Variants in CNTN5 observed in about 807,000 individuals in gnomAD.
CNTN5 encodes the protein contactin-5.
Under a neutral mutation model 129.1 loss-of-function variants are expected in CNTN5, and 77 were observed. The ratio of observed to expected loss-of-function variants is 0.60; its 90% CI spans 0.50 to 0.72. The LOEUF is 0.72. CNTN5 is among the 30% of genes least tolerant of loss of function. The pLI is 0.00. For synonymous variants in CNTN5, 509 were observed against 465.6 expected, an observed-to-expected ratio of 1.09 and a Z score of -1.20; for missense variants, 1,478 against 1,328.8, an observed-to-expected ratio of 1.11 and a Z score of -1.75.
At chr11:99,161,247 CTGTT>C (rs879669186) in intron 1 of CNTN5, among the ~76,000 whole-genome samples, 8 of 152,088 alleles carry the variant, frequency 5.3e-5, no homozygotes, top group Admixed American at 1.3e-4. Context: ...TACTTAAAAA[CTGTT>C]TGTATACAGT....
intron 13 of CNTN5, among the ~76,000 whole-genome samples, chr11:100,179,905 A>C (rs1482291856): frequency 6.6e-6 from 1 of 152,062 alleles, no homozygotes; most frequent in Admixed American, 6.6e-5. Context: ...TAAATATTTA[A>C]TGTGTAGCTT....
At chr11:99,478,381 G>C (rs1278014259) in intron 2 of CNTN5, among the ~76,000 whole-genome samples, 2 of 152,114 alleles carry the variant, frequency 1.3e-5, no homozygotes, top group African/African-American at 4.8e-5. Context: ...CTCTACCTTG[G>C]TAACAGCAAA....
chr11:99,559,082 A>G (rs541090902), intron 3 of CNTN5, among the ~76,000 whole-genome samples: 1 of 152,058 alleles, frequency 6.6e-6, no homozygotes, highest in Non-Finnish European at 1.5e-5. Flanking sequence ...CTTACACTCT[A>G]TATTGCCCTC....
intron 2 of CNTN5, among the ~76,000 whole-genome samples, chr11:99,487,770 G>T (rs747001413): frequency 5.6e-4 from 85 of 152,090 alleles, no homozygotes; most frequent in Non-Finnish European, 1.6e-4. Context: ...TTTGCCTATT[G>T]CTTCTCCAAA....
At chr11:100,193,130 T>C (rs544410932) in intron 14 of CNTN5, among the ~76,000 whole-genome samples, 12 of 152,110 alleles carry the variant, frequency 7.9e-5, no homozygotes, top group African/African-American at 2.4e-4. Context: ...GTAAAAAATC[T>C]TTTATTTACT....
intron 3 of CNTN5, among the ~76,000 whole-genome samples, chr11:99,768,649 CTA>C (rs1361185336): frequency 2.0e-5 from 3 of 152,058 alleles, no homozygotes; most frequent in African/African-American, 7.2e-5. Flanking sequence ...AATTTATTAA[CTA>C]TTTTGATAAA....
intron 9 of CNTN5, among the ~76,000 whole-genome samples, chr11:100,023,658 T>A (rs916870098): frequency 6.6e-6 from 1 of 152,228 alleles, no homozygotes; most frequent in Non-Finnish European, 1.5e-5. Context: ...GGGTTCCATC[T>A]ACCCATCTCT....
intron 1 of CNTN5, among the ~76,000 whole-genome samples, chr11:99,086,909 T>C (rs1366648137): frequency 1.3e-5 from 2 of 152,212 alleles, no homozygotes; most frequent in Non-Finnish European, 2.9e-5. Context: ...TATAAATGAA[T>C]ATAATCTTTA....
chr11:99,794,673 G>T (rs1269690353), intron 3 of CNTN5, among the ~76,000 whole-genome samples: 1 of 151,970 alleles, frequency 6.6e-6, no homozygotes, highest in Non-Finnish European at 1.5e-5. Context: ...TTTTTCCTTT[G>T]TTTATGATGC....
intron 3 of CNTN5, among the ~76,000 whole-genome samples, chr11:99,642,880 A>G (rs1951821227): frequency 1.3e-5 from 2 of 152,160 alleles, no homozygotes; most frequent in South Asian, 4.1e-4. Context: ...TTCACTTACC[A>G]TAATGTCCTC....
chr11:99,566,422 A>G (rs180946784), intron 3 of CNTN5, among the ~76,000 whole-genome samples: 15 of 152,336 alleles, frequency 9.8e-5, no homozygotes, highest in Admixed American at 7.2e-4. Flanking sequence ...GACACGTAAG[A>G]ACGAACTAAC....
At chr11:99,719,961 C>A (rs1943114688) in intron 3 of CNTN5, among the ~76,000 whole-genome samples, 1 of 152,066 alleles carries the variant, frequency 6.6e-6, no homozygotes. Flanking sequence ...CACATACACT[C>A]TCCTAAGACT....
chr11:99,034,505 T>C (rs1183877467), intron 1 of CNTN5, among the ~76,000 whole-genome samples: 3 of 151,702 alleles, frequency 2.0e-5, no homozygotes, highest in African/African-American at 7.3e-5. Flanking sequence ...TGGGAGAGTG[T>C]ATGTGTCGAG....
At chr11:99,819,108 G>T (rs758714891) in intron 3 of CNTN5, among the ~76,000 whole-genome samples, 2 of 151,628 alleles carry the variant, frequency 1.3e-5, no homozygotes, top group Non-Finnish European at 2.9e-5. Context: ...AATAAGGAAA[G>T]AACTGATCTA....
chr11:100,007,812 GCTAA>G (rs1940288829), intron 9 of CNTN5, among the ~76,000 whole-genome samples: 1 of 151,676 alleles, frequency 6.6e-6, no homozygotes, highest in Non-Finnish European at 1.5e-5. Flanking sequence ...TCACAAGTCG[GCTAA>G]CTGAGCACAG....
At chr11:99,807,630 T>C (rs986735828) in intron 3 of CNTN5, among the ~76,000 whole-genome samples, 8 of 152,088 alleles carry the variant, frequency 5.3e-5, no homozygotes, top group Non-Finnish European at 1.2e-4. Flanking sequence ...TTCTCCTGTC[T>C]CAGCCTCCTA....
At chr11:99,062,572 T>G (rs1168880432) in intron 1 of CNTN5, among the ~76,000 whole-genome samples, 6 of 152,080 alleles carry the variant, frequency 3.9e-5, no homozygotes, top group African/African-American at 1.4e-4. Flanking sequence ...CTCTAGAAAT[T>G]GACTAGGATA....
At chr11:99,726,155 T>C (rs1321559862) in intron 3 of CNTN5, among the ~76,000 whole-genome samples, 2 of 152,150 alleles carry the variant, frequency 1.3e-5, no homozygotes, top group Non-Finnish European at 2.9e-5. Flanking sequence ...CCATCACTTA[T>C]GACTACACTT....
chr11:100,108,739 A>G (rs1452911844), intron 13 of CNTN5, among the ~76,000 whole-genome samples: 2 of 151,762 alleles, frequency 1.3e-5, no homozygotes, highest in South Asian at 2.1e-4. Flanking sequence ...CTTTTATATT[A>G]TTATATATGT....
Sources: gnomAD v4.1 joint callset for allele counts (sites outside exome capture counted in the v4.1 genomes callset) on GRCh38, gnomAD v4.1.1 for gene constraint, MANE v1.5 for transcripts, NCBI Gene and HGNC (gene_info 2026-07-23, HGNC 2026-07-21) for gene names.